Variants in VMP1 observed in about 807,000 individuals in gnomAD.
The protein encoded by VMP1 is vacuole membrane protein 1, also known as ectopic P-granules autophagy protein 3 homolog.
A neutral mutation model predicts 56.0 loss-of-function variants in VMP1; 11 were observed. That is an observed-to-expected ratio of 0.20 (90% confidence interval 0.12 to 0.32). The LOEUF (loss-of-function observed/expected upper bound fraction) is 0.32. Among genes scored for constraint, VMP1 ranks in the 10% least tolerant of loss-of-function variants. The pLI is 1.00. For synonymous variants in VMP1, 149 were observed against 165.0 expected, an observed-to-expected ratio of 0.90 and a Z score of 0.74; for missense variants, 296 against 490.3, an observed-to-expected ratio of 0.60 and a Z score of 3.74.
chr17:59,760,167 G>A (rs1011584451), intron 5 of VMP1, among the ~76,000 whole-genome samples: 3 of 150,738 alleles, frequency 2.0e-5, no homozygotes, highest in Admixed American at 2.0e-4. Flanking sequence ...CCTAAGGTTT[G>A]CAATATGCTC....
intron 2 of VMP1, among the ~76,000 whole-genome samples, chr17:59,732,619 T>G (rs2034873139): frequency 6.6e-6 from 1 of 152,200 alleles, no homozygotes; most frequent in Non-Finnish European, 1.5e-5. Context: ...GTTACTTTGG[T>G]TGTCAGTAAA....
intron 6 of VMP1, among the ~76,000 whole-genome samples, chr17:59,765,853 C>T (rs2036213521): frequency 6.6e-6 from 1 of 151,736 alleles, no homozygotes; most frequent in Admixed American, 6.6e-5. Context: ...CTGTATACTA[C>T]ATTATAAAAT....
intron 6 of VMP1, among the ~76,000 whole-genome samples, chr17:59,768,688 A>G (rs1363975212): frequency 6.6e-6 from 1 of 151,878 alleles, no homozygotes; most frequent in South Asian, 2.1e-4. Context: ...TACACCATAT[A>G]TAAGAATTAA....
chr17:59,827,857 C>A (rs2038690548), intron 10 of VMP1, among the ~76,000 whole-genome samples: 1 of 151,932 alleles, frequency 6.6e-6, no homozygotes, highest in Admixed American at 6.6e-5. Context: ...TTGCTTGAGC[C>A]CGGGAGGTCA....
intron 1 of VMP1, among the ~76,000 whole-genome samples, chr17:59,725,484 G>A (rs183942787): frequency 1.3e-5 from 2 of 151,108 alleles, no homozygotes; most frequent in East Asian, 3.9e-4. Context: ...TAAAACACTA[G>A]TGGGTCTTTT....
intron 10 of VMP1, among the ~76,000 whole-genome samples, chr17:59,818,201 A>C (rs2038313559): frequency 6.6e-6 from 1 of 152,112 alleles, no homozygotes; most frequent in African/African-American, 2.4e-5. Flanking sequence ...ATAAAATTTT[A>C]GTATTTTATA....
chr17:59,782,662 A>C (rs536095448), intron 7 of VMP1, among the ~76,000 whole-genome samples: 2 of 152,342 alleles, frequency 1.3e-5, no homozygotes, highest in East Asian at 3.9e-4. Flanking sequence ...GGAAAAGTTG[A>C]ATCAACTGTA....
At chr17:59,827,934 C>CA (rs377225211) in intron 10 of VMP1, among the ~76,000 whole-genome samples, 8 of 149,070 alleles carry the variant, frequency 5.4e-5, no homozygotes, top group Admixed American at 3.4e-4. Flanking sequence ...ATCCTGTTCC[C>CA]AAAAAAAAGC....
At chr17:59,726,291 G>GTTTTTTTTTTTT (rs541555827) in intron 1 of VMP1, among the ~76,000 whole-genome samples, 1 of 145,058 alleles carries the variant, frequency 6.9e-6, no homozygotes, top group Non-Finnish European at 1.5e-5. Flanking sequence ...AGTTTTTTTT[G>GTTTTTTTTTTTT]TTTTTTTTTT....
intron 10 of VMP1, among the ~76,000 whole-genome samples, chr17:59,826,167 C>T (rs1191278095): frequency 2.0e-5 from 3 of 152,128 alleles, no homozygotes; most frequent in African/African-American, 7.2e-5. Context: ...TGGGAAAACC[C>T]CTTTCTCTTC....
At position 59,707,678 on chromosome 17, in the gene VMP1, C is replaced by A. The variant is rs1045378778; in HGVS notation, c.-97C>A. ...CGGGTTCCGGTTGTCTGGAGCCCAG[C>A]GGCGGGTGTGAGAGTCCGTAAGGAG... On this transcript the variant is annotated 5_prime_UTR_variant, in exon 1 of 12. Transcript: ENST00000262291. 2 of 152,438 alleles carry A rather than the reference C, an allele frequency of 1.3e-5. No homozygotes were observed. The highest frequency in any genetic ancestry group is 2.9e-5 in the Non-Finnish European group (2 of 68,198). 9.4% of individuals were successfully genotyped at this position (152,438 alleles called of 1,614,324 possible).
chr17:59,759,910 T>G (rs147901610), intron 5 of VMP1, among the ~76,000 whole-genome samples: 34,431 of 139,280 alleles, frequency 0.25, 4,929 homozygotes, highest in East Asian at 0.42. Context: ...GGTGTTTTTT[T>G]TTTTTTTTTT....
At chr17:59,755,140 C>G (rs57240614) in intron 5 of VMP1, among the ~76,000 whole-genome samples, 18,493 of 151,408 alleles carry the variant, frequency 0.12, 1,258 homozygotes, top group Middle Eastern at 0.24. Flanking sequence ...CGGAGACTCA[C>G]TCTGTCTCCC....
chr17:59,743,863 T>G (rs1178741436), intron 5 of VMP1, among the ~76,000 whole-genome samples: 1 of 152,046 alleles, frequency 6.6e-6, no homozygotes, highest in Non-Finnish European at 1.5e-5. Flanking sequence ...GTTTTTCTAC[T>G]TTCCCAATCT....
intron 5 of VMP1, among the ~76,000 whole-genome samples, chr17:59,740,610 T>C (rs141780379): frequency 1.3e-5 from 2 of 152,356 alleles, no homozygotes; most frequent in African/African-American, 4.8e-5. Context: ...CTTGGAACTT[T>C]AGAATTATGT....
chr17:59,741,116 AGCCCAGGAG>A (rs1417931264), intron 5 of VMP1, among the ~76,000 whole-genome samples: 1 of 152,172 alleles, frequency 6.6e-6, no homozygotes, highest in Non-Finnish European at 1.5e-5. Context: ...GGATGGCTTG[AGCCCAGGAG>A]ATAGGGGCTG....
intron 1 of VMP1, among the ~76,000 whole-genome samples, chr17:59,724,732 C>T (rs1568027397): frequency 6.6e-6 from 1 of 151,916 alleles, no homozygotes; most frequent in Non-Finnish European, 1.5e-5. Context: ...TTTGGGAGGC[C>T]GAGGTGGCTG....
At chr17:59,760,774 C>G (rs913333959) in intron 5 of VMP1, among the ~76,000 whole-genome samples, 1 of 152,154 alleles carries the variant, frequency 6.6e-6, no homozygotes, top group East Asian at 1.9e-4. Context: ...GTGCGCACCA[C>G]CATACCCAGC....
At chr17:59,786,341 T>G (rs1251509873) in intron 7 of VMP1, among the ~76,000 whole-genome samples, 1 of 152,234 alleles carries the variant, frequency 6.6e-6, no homozygotes, top group Non-Finnish European at 1.5e-5. Context: ...GGCATTCCAC[T>G]AATGCTATTC....
Sources: allele counts gnomAD v4.1 joint callset (sites outside exome capture counted in the v4.1 genomes callset), GRCh38; gene constraint gnomAD v4.1.1; transcripts MANE v1.5; gene names NCBI Gene and HGNC (gene_info 2026-07-23, HGNC 2026-07-21).